The following CSMD1 variants were observed in gnomAD, a reference collection of about 807,000 sequenced individuals.
The protein encoded by CSMD1 is CUB and Sushi multiple domains 1, also known as CUB and sushi domain-containing protein 1.
A neutral mutation model predicts 417.5 loss-of-function variants in CSMD1; 213 were observed. The ratio of observed to expected loss-of-function variants is 0.51; its 90% CI spans 0.46 to 0.57. The LOEUF is 0.57. Ranked by LOEUF, CSMD1 falls within the 20% of genes least tolerant of loss-of-function variation. CSMD1 has a pLI of 0.00. For missense variants in CSMD1, 6,923 were observed against 4,529.7 expected (o/e 1.53, Z -15.17); for synonymous variants, 2,862 against 1,736.8 (o/e 1.65, Z -16.11).
intron 1 of CSMD1, among the ~76,000 whole-genome samples, chr8:4,740,645 C>T (rs1563263480): frequency 1.3e-5 from 2 of 152,192 alleles, no homozygotes; most frequent in Non-Finnish European, 1.5e-5. Flanking sequence ...GGAGTATGTG[C>T]AGCTCTCTGG....
intron 3 of CSMD1, among the ~76,000 whole-genome samples, chr8:4,079,253 G>T (rs549043203): frequency 9.9e-5 from 15 of 152,142 alleles, no homozygotes; most frequent in Non-Finnish European, 1.6e-4. Context: ...ATAGCCCATG[G>T]AGAATAAAGT....
At chr8:3,124,718 G>A (rs1166217149) in intron 41 of CSMD1, among the ~76,000 whole-genome samples, 3 of 152,104 alleles carry the variant, frequency 2.0e-5, no homozygotes, top group African/African-American at 7.2e-5. Context: ...TCAGACCACA[G>A]GACGTTCATT....
chr8:3,309,188 G>C (rs1337087253), intron 23 of CSMD1, among the ~76,000 whole-genome samples: 3 of 152,166 alleles, frequency 2.0e-5, no homozygotes, highest in African/African-American at 4.8e-5. Context: ...CTCCAAGGAA[G>C]AGGGGCCACC....
At chr8:3,814,282 A>C (rs941335066) in intron 5 of CSMD1, among the ~76,000 whole-genome samples, 2 of 152,132 alleles carry the variant, frequency 1.3e-5, no homozygotes, top group Non-Finnish European at 2.9e-5. Flanking sequence ...TCTGTATCTG[A>C]ATCTTGAGTC....
chr8:3,793,532 C>T (rs1799869295), intron 5 of CSMD1, among the ~76,000 whole-genome samples: 1 of 150,888 alleles, frequency 6.6e-6, no homozygotes, highest in South Asian at 2.1e-4. Flanking sequence ...GATTCGATCT[C>T]TGGGCTTCCA....
intron 3 of CSMD1, among the ~76,000 whole-genome samples, chr8:4,103,265 T>TTATATG (rs1554449719): frequency 2.7e-5 from 4 of 150,092 alleles, no homozygotes; most frequent in South Asian, 2.1e-4. Flanking sequence ...TATACATACA[T>TTATATG]TATATATATC....
chr8:3,694,346 C>T (rs554229329), intron 7 of CSMD1, among the ~76,000 whole-genome samples: 6 of 152,198 alleles, frequency 3.9e-5, no homozygotes. Flanking sequence ...AGACAGGGGT[C>T]ACTCAGGCTG....
chr8:4,188,797 T>C (rs920359269), intron 3 of CSMD1, among the ~76,000 whole-genome samples: 5 of 44,504 alleles, frequency 1.1e-4, no homozygotes, highest in Non-Finnish European at 2.6e-4. Flanking sequence ...AACTCCAGGA[T>C]GAATATTATG....
In CSMD1 at chr8:4,706,833, G is replaced by T. The variant is rs140176228; in HGVS notation, c.86-69275C>A. 3.3e-3 allele frequency among the ~76,000 whole-genome samples: 502 copies of T among 152,290 alleles called. 5 individuals are homozygous for T. The highest frequency in any genetic ancestry group is 0.011 in the African/African-American group (477 of 41,558). ...TGTGTCAGATAAACACAGTTGACCCGATTGAGAGAATGGGGGAAACTTCTT... is the reference window on the plus strand; with the variant it reads ...TGTGTCAGATAAACACAGTTGACCCTATTGAGAGAATGGGGGAAACTTCTT... On this transcript the variant is annotated intron_variant, in intron 1 of 69. Coordinates refer to ENST00000635120, the MANE Select transcript of CSMD1 (RefSeq NM_033225.6).
chr8:4,883,017 C>A (rs1037430329), intron 1 of CSMD1, among the ~76,000 whole-genome samples: 1 of 152,086 alleles, frequency 6.6e-6, no homozygotes, highest in African/African-American at 2.4e-5. Flanking sequence ...CTGAGAGCTC[C>A]TTTCCACAAA....
chr8:4,113,036 C>A (rs1460088332), intron 3 of CSMD1, among the ~76,000 whole-genome samples: 1 of 151,990 alleles, frequency 6.6e-6, no homozygotes, highest in South Asian at 2.1e-4. Context: ...TTGATGGTAC[C>A]ATTTAAGGTG....
intron 1 of CSMD1, among the ~76,000 whole-genome samples, chr8:4,940,805 C>G (rs891258148): frequency 6.6e-6 from 1 of 152,150 alleles, no homozygotes; most frequent in Non-Finnish European, 1.5e-5. Context: ...ATCATAATCT[C>G]TGTACCATGT....
chr8:4,485,934 T>C (rs1028022813), intron 2 of CSMD1, among the ~76,000 whole-genome samples: 1 of 152,002 alleles, frequency 6.6e-6, no homozygotes, highest in East Asian at 1.9e-4. Context: ...TTCAATTATT[T>C]TGTAGCCACA....
At chr8:4,494,017 C>T (rs1801855951) in intron 2 of CSMD1, among the ~76,000 whole-genome samples, 1 of 152,126 alleles carries the variant, frequency 6.6e-6, no homozygotes, top group Admixed American at 6.5e-5. Flanking sequence ...AGGAGAAGAC[C>T]TCAGAGGCCC....
chr8:4,510,926 T>A (rs969010585), intron 2 of CSMD1, among the ~76,000 whole-genome samples: 21 of 147,136 alleles, frequency 1.4e-4, no homozygotes, highest in Non-Finnish European at 3.0e-4. Context: ...TCCCTCTCCT[T>A]CTCCGTTCCC....
chr8:3,753,634 T>C (rs1563342504), intron 6 of CSMD1, among the ~76,000 whole-genome samples: 1 of 152,212 alleles, frequency 6.6e-6, no homozygotes, highest in Non-Finnish European at 1.5e-5. Flanking sequence ...TGTGGATATT[T>C]ACAGATTAGA....
intron 10 of CSMD1, among the ~76,000 whole-genome samples, chr8:3,529,672 G>A (rs897695463): frequency 6.6e-6 from 1 of 152,174 alleles, no homozygotes; most frequent in Non-Finnish European, 1.5e-5. Context: ...CTTCTCAGAA[G>A]AGCTTACTAA....
At chr8:3,744,297 G>A (rs1238575285) in intron 6 of CSMD1, among the ~76,000 whole-genome samples, 5 of 152,132 alleles carry the variant, frequency 3.3e-5, no homozygotes, top group Non-Finnish European at 7.4e-5. Context: ...GGCGGATGGG[G>A]ACACAGCACG....
chr8:3,006,795 C>A (rs934719000), intron 52 of CSMD1, among the ~76,000 whole-genome samples: 3 of 150,938 alleles, frequency 2.0e-5, no homozygotes, highest in Admixed American at 6.6e-5. Flanking sequence ...AAGACTTAAA[C>A]GTTAGACCTA....
Sources: gnomAD v4.1 joint callset for allele counts (sites outside exome capture counted in the v4.1 genomes callset) on GRCh38, gnomAD v4.1.1 for gene constraint, MANE v1.5 for transcripts, NCBI Gene and HGNC (gene_info 2026-07-23, HGNC 2026-07-21) for gene names.